The following NBPF3 variants were observed in gnomAD, a reference collection of about 807,000 sequenced individuals.
NBPF3 encodes NBPF member 3.
In NBPF3, 57 loss-of-function variants were observed where a neutral mutation model predicts 78.1. The observed-to-expected ratio is 0.73, with a 90% CI of 0.59 to 0.91. The LOEUF (loss-of-function observed/expected upper bound fraction) is 0.91. Among genes scored for constraint, NBPF3 ranks in the 40% least tolerant of loss-of-function variants. The pLI is 0.00. For missense variants in NBPF3, 510 were observed against 715.3 expected (o/e 0.71, Z 3.27); for synonymous variants, 182 against 271.7 (o/e 0.67, Z 3.25).
intron 2 of NBPF3, among the ~76,000 whole-genome samples, chr1:21,455,872 G>C (rs930620184): frequency 6.6e-6 from 1 of 152,220 alleles, no homozygotes; most frequent in African/African-American, 2.4e-5. Context: ...ACTTGAGGCG[G>C]AGGAGGGTTG....
chr1:21,441,996 T>G lies in NBPF3; in HGVS notation c.-140+1648T>G, dbSNP rs916182956. Among the ~76,000 whole-genome samples, 8 of 152,320 alleles carry G rather than the reference T, an allele frequency of 5.3e-5. No individual in the cohort carries two copies. In the South Asian group the frequency reaches 1.2e-3, roughly 24 times the overall value. ...ATATATCAGTGTGGTTTCATTGAGA[T>G]TGAGTATCTTTTATTGCCATTTATG... On this transcript the variant is annotated intron_variant, in intron 1 of 14. Transcript: ENST00000318249.
At chr1:21,455,859 G>A (rs1269694201) in intron 2 of NBPF3, among the ~76,000 whole-genome samples, 1 of 152,142 alleles carries the variant, frequency 6.6e-6, no homozygotes, top group Non-Finnish European at 1.5e-5. Flanking sequence ...TTGGACCAGA[G>A]GTACTTGAGG....
intron 2 of NBPF3, among the ~76,000 whole-genome samples, chr1:21,450,341 C>T (rs183183316): frequency 6.6e-6 from 1 of 152,338 alleles, no homozygotes; most frequent in African/African-American, 2.4e-5. Context: ...CCAATAACAA[C>T]TCATGGAGTC....
chr1:21,479,804 C>CTA (rs201110457), intron 10 of NBPF3, among the ~76,000 whole-genome samples: 4,287 of 65,360 alleles, frequency 0.066, 102 homozygotes, highest in South Asian at 0.14. Flanking sequence ...CTCTCTCTCT[C>CTA]TCTCTCTCTC....
At chr1:21,438,066 C>T (rs1025805999), upstream of NBPF3, among the ~76,000 whole-genome samples, 2 of 151,882 alleles carry the variant, frequency 1.3e-5, no homozygotes, top group Admixed American at 6.6e-5. Context: ...GTGATCCTCC[C>T]GCCTGGGCCT....
chr1:21,452,412 A>G (rs1293630971), intron 2 of NBPF3, among the ~76,000 whole-genome samples: 1 of 152,228 alleles, frequency 6.6e-6, no homozygotes, highest in African/African-American at 2.4e-5. Context: ...AAAGTAGCTG[A>G]AAAGGAACCA....
intron 2 of NBPF3, chr1:21,468,179 G>T (rs567977378): frequency 1.2e-3 from 197 of 168,732 alleles, no homozygotes; most frequent in Non-Finnish European, 1.5e-3. Flanking sequence ...TGGGAAACTG[G>T]TTCTGCCTGG....
At chr1:21,436,871 T>A, upstream of NBPF3, 3 of 371,210 alleles carry the variant, frequency 8.1e-6, no homozygotes, top group Non-Finnish European at 1.2e-5. This position sits in a 1 kb window ranked among gnomAD's most constrained non-coding sequence, Gnocchi z 4.3. Flanking sequence ...GCTCGCGCCC[T>A]CCGGGTGGGG....
intron 2 of NBPF3, among the ~76,000 whole-genome samples, chr1:21,452,193 A>G (rs560591325): frequency 6.6e-6 from 1 of 152,196 alleles, no homozygotes; most frequent in Admixed American, 6.5e-5. Context: ...TACAATTTAT[A>G]ACACGCAAGT....
chr1:21,464,284 C>T (rs1642126865), intron 2 of NBPF3, among the ~76,000 whole-genome samples: 1 of 152,098 alleles, frequency 6.6e-6, no homozygotes, highest in Non-Finnish European at 1.5e-5. Flanking sequence ...ATTATCTGGC[C>T]ATAAAAAGTT....
Position 21,484,472 on chromosome 1 carries a change from A to G in NBPF3, c.*1086A>G, listed in dbSNP as rs1419950357. 8 of 94,216 alleles carry G rather than the reference A, an allele frequency of 8.5e-5. No individual in the cohort carries two copies. Among genetic ancestry groups the G allele is most frequent in the East Asian group, 7.3e-4 (2 of 2,756 alleles). The allele number at this position is 94,216 out of a possible 1,614,324, so 5.8% of individuals were successfully genotyped here. The stretch of plus-strand genomic sequence containing the variant: ...TGATTAAATTCAGCCTAAACGTTTC[A>G]TCAAGAACACTACAGAGTCGATACT... On this transcript the variant is annotated 3_prime_UTR_variant, in exon 15 of 15. Coordinates refer to ENST00000318249, the MANE Select transcript of NBPF3 (RefSeq NM_032264.6).
intron 2 of NBPF3, among the ~76,000 whole-genome samples, chr1:21,459,552 C>A (rs1641830363): frequency 6.6e-6 from 1 of 151,958 alleles, no homozygotes. Flanking sequence ...GTTTTGGCAG[C>A]AATAGGGGTG....
Position 21,472,853 on chromosome 1 carries a change from CGAT to C in NBPF3, c.675_677del (p.Asp225del), listed in dbSNP as rs765657521. 6.2e-7 allele frequency: 1 copy of C among 1,610,198 alleles called. No individual in the cohort carries two copies. Among genetic ancestry groups the C allele is most frequent in the Non-Finnish European group, 8.5e-7 (1 of 1,176,578 alleles). ...CTTCTGTATTTACAGAAAATGATGA[CGAT>C]GAGGATGAAGATGTTAAAGTTGAGG... On this transcript the variant is annotated inframe_deletion, in exon 6 of 15. Transcript: ENST00000318249.
intron 2 of NBPF3, among the ~76,000 whole-genome samples, chr1:21,467,498 G>A (rs1189081392): frequency 3.9e-5 from 6 of 152,088 alleles, no homozygotes; most frequent in Admixed American, 6.5e-5. Flanking sequence ...CCAACCAACC[G>A]TGACCATAAC....
Position 21,440,281 on chromosome 1 carries a change from G to GC in NBPF3, c.-206dup, listed in dbSNP as rs1640544832. 6.6e-6 allele frequency: 1 copy of GC among 152,320 alleles called. No individual in the cohort carries two copies. Among genetic ancestry groups the GC allele is most frequent in the Admixed American group, 6.5e-5 (1 of 15,286 alleles). 9.4% of individuals were successfully genotyped at this position (152,320 alleles called of 1,614,324 possible). A position where few individuals can be genotyped will look rare whatever the true frequency, so the allele number is the denominator to read the frequency against. Reference sequence around the variant, plus strand: ...GCGGCGCCAGGAGCTGGGCCGAGGCGCGGCGGCGCGGCTGCGGGCCGCCGT... The same window carrying GC: ...GCGGCGCCAGGAGCTGGGCCGAGGCGCCGGCGGCGCGGCTGCGGGCCGCCGT... On this transcript the variant is annotated 5_prime_UTR_variant, in exon 1 of 15. Transcript: ENST00000318249.
intron 2 of NBPF3, among the ~76,000 whole-genome samples, chr1:21,453,184 A>G (rs1355150777): frequency 6.6e-6 from 1 of 152,072 alleles, no homozygotes; most frequent in Non-Finnish European, 1.5e-5. Flanking sequence ...AGTTAGGTTT[A>G]GCAATGGAGG....
chr1:21,437,901 T>A (rs1266798032), upstream of NBPF3, among the ~76,000 whole-genome samples: 1 of 151,708 alleles, frequency 6.6e-6, no homozygotes, highest in East Asian at 2.0e-4. Context: ...CTCGGCTCAC[T>A]GCATCCTCTG....
At position 21,471,611 on chromosome 1, in the gene NBPF3, C is replaced by G. The variant is rs1395986043; in HGVS notation, c.489C>G (p.Thr163=). The G allele has an allele frequency of 6.2e-7, 1 of 1,612,122 alleles. No individual in the cohort carries two copies. The highest frequency in any genetic ancestry group is 1.1e-5 in the South Asian group (1 of 90,956). ...VLVHSQEREL[T]QLREKLQEGR... is the part of the protein sequence containing the mutation. The stretch of plus-strand genomic sequence containing the variant: ...TTCACTCTCAGGAACGAGAGCTGAC[C>G]CAGTTAAGGGAGAAGTTACAGGAAG... The change falls in exon 5 of 15, where the codon ACC becomes ACG. Residue 163 remains threonine, a synonymous_variant. Transcript: ENST00000318249.
chr1:21,442,971 T>G (rs1197057248), intron 1 of NBPF3, among the ~76,000 whole-genome samples: 1 of 152,190 alleles, frequency 6.6e-6, no homozygotes, highest in African/African-American at 2.4e-5. Context: ...TATGATTCAC[T>G]TTTTACTACA....
Sources: allele counts gnomAD v4.1 joint callset (sites outside exome capture counted in the v4.1 genomes callset), GRCh38; gene constraint gnomAD v4.1.1; non-coding constraint Gnocchi (gnomAD v3.1); transcripts MANE v1.5; gene names NCBI Gene and HGNC (gene_info 2026-07-23, HGNC 2026-07-21).